PLEKHB2: variants seen among roughly 807,000 people sequenced by gnomAD.
PLEKHB2 encodes the protein pleckstrin homology domain containing B2.
A neutral mutation model predicts 36.5 loss-of-function variants in PLEKHB2; 31 were observed. That is an observed-to-expected ratio of 0.85 (90% CI 0.64 to 1.15). The LOEUF is 1.15. PLEKHB2 is among the 50% of genes most tolerant of loss of function. PLEKHB2 has a pLI of 0.00. For missense variants in PLEKHB2, 262 were observed against 295.3 expected, an observed-to-expected ratio of 0.89 and a Z score of 0.83; for synonymous variants, 119 against 112.0, an observed-to-expected ratio of 1.06 and a Z score of -0.39.
intron 1 of PLEKHB2, among the ~76,000 whole-genome samples, chr2:131,108,714 C>G (rs556571135): frequency 7.2e-5 from 11 of 152,292 alleles, no homozygotes; most frequent in African/African-American, 2.6e-4. Flanking sequence ...GGGCTGGGGC[C>G]ATGAGTTGGA....
chr2:131,120,003 CTG>C (rs554577418), intron 1 of PLEKHB2, among the ~76,000 whole-genome samples: 144 of 147,400 alleles, frequency 9.8e-4, no homozygotes, highest in African/African-American at 3.3e-3. Flanking sequence ...GAGTCTTACT[CTG>C]TTGCCCAGGC....
intron 1 of PLEKHB2, among the ~76,000 whole-genome samples, chr2:131,105,994 C>T (rs1275002586): frequency 6.6e-6 from 1 of 152,226 alleles, no homozygotes; most frequent in Admixed American, 6.5e-5. Flanking sequence ...GCGGTCCGCC[C>T]CCGCTGCATT....
At chr2:131,118,048 A>G (rs1294729276) in intron 1 of PLEKHB2, among the ~76,000 whole-genome samples, 1 of 152,218 alleles carries the variant, frequency 6.6e-6, no homozygotes, top group Non-Finnish European at 1.5e-5. Flanking sequence ...CATGCTGCTT[A>G]GTAGAAAGTC....
intron 1 of PLEKHB2, among the ~76,000 whole-genome samples, chr2:131,112,871 C>T (rs576563621): frequency 6.6e-6 from 1 of 152,068 alleles, no homozygotes; most frequent in Admixed American, 6.6e-5. Flanking sequence ...TAAATTTTGC[C>T]GGCTTTATGT....
At chr2:131,130,874 G>T in intron 5 of PLEKHB2, 114 bp downstream of exon 5, 1 of 723,534 alleles carries the variant, frequency 1.4e-6, no homozygotes, top group South Asian at 1.6e-5. Context: ...TCTACCTCTC[G>T]GGCTCAAGTA....
At chr2:131,107,479 CTT>C (rs1694853872) in intron 1 of PLEKHB2, 1 of 152,206 alleles carries the variant, frequency 6.6e-6, no homozygotes, top group African/African-American at 2.4e-5. Flanking sequence ...TGTGACATCT[CTT>C]TGACTCTCCA....
rs1282768756 is a variant in PLEKHB2, at chr2:131,126,751, A to G, written c.258A>G (p.Thr86=). ...MLQIVCRDGK[T]ISLCAESTDD... ...AGATTGTTTGTCGAGATGGGAAAAC[A>G]ATTAGTCTTTGTGCAGAAAGCACAG... Residue 86 remains threonine, a synonymous_variant, in exon 4 of 8, where the codon ACA becomes ACG. Transcript: ENST00000693505. The G allele has an allele frequency of 1.2e-6, 2 of 1,609,624 alleles. No homozygotes were observed. Among genetic ancestry groups the G allele is most frequent in the African/African-American group, 2.7e-5 (2 of 74,840 alleles).
chr2:131,118,966 TA>T, intron 1 of PLEKHB2: 1 of 92,142 alleles, frequency 1.1e-5, no homozygotes, highest in Non-Finnish European at 2.3e-5. Context: ...TTTCAAAAAA[TA>T]AAATGGCCTG....
intron 6 of PLEKHB2, 106 bp downstream of exon 6, chr2:131,133,097 T>G: frequency 1.4e-6 from 1 of 720,102 alleles, no homozygotes; most frequent in South Asian, 1.7e-5. Flanking sequence ...TCTAAACCTT[T>G]TCTTCTTAAA....
intron 7 of PLEKHB2, among the ~76,000 whole-genome samples, chr2:131,142,258 C>T (rs991372944): frequency 1.3e-5 from 2 of 152,186 alleles, no homozygotes; most frequent in African/African-American, 4.8e-5. Flanking sequence ...TATAATGAAA[C>T]TACATTAAAT....
chr2:131,133,029 G>C, intron 6 of PLEKHB2, 38 bp downstream of exon 6: 1 of 1,378,644 alleles, frequency 7.3e-7, no homozygotes, highest in Non-Finnish European at 1.0e-6. Flanking sequence ...AGGGAAGTTT[G>C]GGGTCTCTGC....
At chr2:131,119,308 G>T (rs1696222205) in intron 1 of PLEKHB2, among the ~76,000 whole-genome samples, 1 of 152,102 alleles carries the variant, frequency 6.6e-6, no homozygotes, top group Non-Finnish European at 1.5e-5. Context: ...ACAGAAAGGG[G>T]TAATGGGACC....
intron 5 of PLEKHB2, 143 bp downstream of exon 5, chr2:131,130,903 C>T (rs1406777030): frequency 1.6e-6 from 1 of 642,738 alleles, no homozygotes; most frequent in African/African-American, 1.8e-5. Context: ...ACCTCAGCCT[C>T]CCCTTCCCAG....
chr2:131,140,175 T>C lies in PLEKHB2; in HGVS notation c.432T>C (p.Tyr144=), dbSNP rs1022186314. Residue 144 remains tyrosine (Y), a synonymous_variant, in exon 7 of 8, where the codon TAT becomes TAC. Coordinates refer to ENST00000693505, the MANE Select transcript of PLEKHB2 (RefSeq NM_001100623.2). ...GGCCTGTTTCTTTTCAGCAGGCTTA[T>C]GGCTATGGGCCATACGGTGGTGCGT... is the stretch of plus-strand genomic sequence containing the variant. ...AYAAPAPEQA[Y]GYGPYGGAYP... 3 of 1,607,398 alleles carry C rather than the reference T, an allele frequency of 1.9e-6. No individual in the cohort carries two copies. The highest frequency in any genetic ancestry group is 1.7e-6 in the Non-Finnish European group (2 of 1,174,906).
intron 7 of PLEKHB2, among the ~76,000 whole-genome samples, chr2:131,145,267 T>G (rs1176747764): frequency 6.6e-6 from 1 of 152,226 alleles, no homozygotes; most frequent in African/African-American, 2.4e-5. Flanking sequence ...AATGTTCACC[T>G]TTGTTACCAC....
At chr2:131,125,693 G>GTCT (rs1697014624) in intron 2 of PLEKHB2, 60 bp from the exon 3 acceptor site, 1 of 1,460,228 alleles carries the variant, frequency 6.8e-7, no homozygotes, top group Non-Finnish European at 9.3e-7. Context: ...TCCAACTTGG[G>GTCT]CGAAATAGTA....
intron 2 of PLEKHB2, among the ~76,000 whole-genome samples, chr2:131,125,391 C>T (rs1696988618): frequency 6.6e-6 from 1 of 152,178 alleles, no homozygotes; most frequent in Non-Finnish European, 1.5e-5. Flanking sequence ...GTTGGCGGGC[C>T]CTGTGCTCTG....
chr2:131,115,589 G>C (rs1419426779), intron 1 of PLEKHB2, among the ~76,000 whole-genome samples: 1 of 151,886 alleles, frequency 6.6e-6, no homozygotes, highest in African/African-American at 2.4e-5. Context: ...TCTTGATCTC[G>C]TGATCCACCT....
intron 2 of PLEKHB2, among the ~76,000 whole-genome samples, chr2:131,124,635 G>C (rs1696906830): frequency 6.6e-6 from 1 of 152,182 alleles, no homozygotes; most frequent in South Asian, 2.1e-4. Context: ...AGCATGGGAG[G>C]CCAGGCAGGG....
Sources: allele counts gnomAD v4.1 joint callset (sites outside exome capture counted in the v4.1 genomes callset), GRCh38; gene constraint gnomAD v4.1.1; transcripts MANE v1.5; gene names NCBI Gene and HGNC (gene_info 2026-07-23, HGNC 2026-07-21).